Variants in LHFPL5 observed in about 807,000 individuals in gnomAD.
LHFPL5 encodes LHFPL tetraspan subfamily member 5 protein.
In LHFPL5, 12 loss-of-function variants were observed where a neutral mutation model predicts 18.7. The ratio of observed to expected loss-of-function variants is 0.64; its 90% CI spans 0.41 to 1.04. The LOEUF (loss-of-function observed/expected upper bound fraction) is 1.04. LHFPL5 is among the 50% of genes least tolerant of loss of function. The pLI, the probability that LHFPL5 is intolerant of heterozygous loss-of-function variation, is 0.00. For synonymous variants in LHFPL5, 111 were observed against 120.2 expected (o/e 0.92, Z 0.50); for missense variants, 259 against 292.1 (o/e 0.89, Z 0.83).
intron 2 of LHFPL5, among the ~76,000 whole-genome samples, chr6:35,817,708 C>T (rs1291858285): frequency 6.6e-6 from 1 of 152,186 alleles, no homozygotes; most frequent in African/African-American, 2.4e-5. Flanking sequence ...TGAATAATAA[C>T]AAGTGTTGGT....
chr6:35,810,411 T>C (rs77316839), intron 1 of LHFPL5, among the ~76,000 whole-genome samples: 1,647 of 152,230 alleles, frequency 0.011, 29 homozygotes, highest in African/African-American at 0.037. Context: ...AAGTGCTCAG[T>C]ACCTGTGAAA....
rs370048794 is a variant in LHFPL5 at position 35,814,529 on chromosome 6, C to T, written c.413-17C>T. 1.3e-5 allele frequency: 21 copies of T among 1,592,422 alleles called. No individual in the cohort carries two copies. The highest frequency in any genetic ancestry group is 1.8e-5 in the Non-Finnish European group (21 of 1,160,352). ...ACACTCGGCCTGATGCCATGTGCAC[C>T]CCTCCTTCCCCCTCAGCCACAGGCC... On this transcript the variant is annotated splice_polypyrimidine_tract_variant and intron_variant, in intron 1 of 3. Transcript: ENST00000360215. The surrounding 1 kb of genome is among the most constrained non-coding windows in gnomAD (Gnocchi z 4.2).
chr6:35,805,841 G>A lies in LHFPL5; in HGVS notation c.171G>A (p.Pro57=), dbSNP rs898563542. 11 of 1,614,044 alleles carry A rather than the reference G, an allele frequency of 6.8e-6. 1 individual carries two copies. The highest frequency in any genetic ancestry group is 3.3e-5 in the Admixed American group (2 of 59,990). The change falls in exon 1 of 4, where the codon CCG becomes CCA. Residue 57 remains proline (P), a synonymous_variant. Coordinates refer to ENST00000360215, the MANE Select transcript of LHFPL5 (RefSeq NM_182548.4). The surrounding 1 kb of genome is among the most constrained non-coding windows in gnomAD (Gnocchi z 4.3). The part of the protein sequence containing the change: ...PYWIGDSVNT[P]QAGYFGLFSY... The stretch of plus-strand genomic sequence containing the variant: ...GGATCGGCGACAGCGTCAACACACC[G>A]CAGGCAGGCTACTTCGGCCTTTTCT...
At position 35,814,567 on chromosome 6, in the gene LHFPL5, G is replaced by T; in HGVS notation, c.434G>T (p.Cys145Phe). 6.2e-7 allele frequency: 1 copy of T among 1,614,202 alleles called. No individual in the cohort carries two copies. Among genetic ancestry groups the T allele is most frequent in the South Asian group, 1.1e-5 (1 of 91,088 alleles). ...LAAATGLMIG[C>F]LVYPDGWDSS... ...TCAGCCACAGGCCTAATGATTGGCT[G>T]CCTGGTCTACCCTGATGGTTGGGAC... Residue 145 changes from cysteine (C) to phenylalanine (F), a missense_variant, in exon 2 of 4, where the codon TGC (cysteine) becomes TTC (phenylalanine). By Grantham distance (205) the Cys-to-Phe change is radical. Transcript: ENST00000360215. The surrounding 1 kb of genome is among the most constrained non-coding windows in gnomAD (Gnocchi z 4.2).
chr6:35,816,826 A>T (rs1477254096), intron 2 of LHFPL5, among the ~76,000 whole-genome samples: 1 of 151,606 alleles, frequency 6.6e-6, no homozygotes, highest in Non-Finnish European at 1.5e-5. Context: ...AAAAAAAAAA[A>T]AAAAGGAAAT....
At position 35,814,949 on chromosome 6, in the gene LHFPL5, G is replaced by A. The variant is rs557599631; in HGVS notation, c.649+167G>A. 6.6e-6 allele frequency among the ~76,000 whole-genome samples: 1 copy of A among 152,160 alleles called. No homozygotes were observed. The highest frequency in any genetic ancestry group is 2.4e-5 in the African/African-American group (1 of 41,526). ...TCCCTGAAATCAAAGGCCAGTGGAG[G>A]GTTGCAAGCTAGCAGGTGATAAGGC... On this transcript the variant is annotated intron_variant, in intron 2 of 3. Transcript: ENST00000360215. The surrounding 1 kb of genome is among the most constrained non-coding windows in gnomAD (Gnocchi z 4.2).
rs1354732646 is a variant in LHFPL5, at chr6:35,814,594, C to T, written c.461C>T (p.Ser154Leu). Residue 154 changes from serine (S) to leucine (L), a missense_variant, in exon 2 of 4, where the codon TCA becomes TTA. Physicochemically the swap from Ser to Leu is moderately radical, Grantham distance 145. Transcript: ENST00000360215. The surrounding 1 kb of genome is among the most constrained non-coding windows in gnomAD (Gnocchi z 4.2). ...CTGGTCTACCCTGATGGTTGGGACT[C>T]AAGTGAGGTGCGGCGCATGTGTGGG... is the stretch of plus-strand genomic sequence containing the variant. The part of the protein sequence containing the change: ...GCLVYPDGWD[S>L]SEVRRMCGEQ... 4 of 1,614,184 alleles carry T rather than the reference C, an allele frequency of 2.5e-6. No homozygotes were observed. Among genetic ancestry groups the T allele is most frequent in the Admixed American group, 1.7e-5 (1 of 60,026 alleles).
intron 1 of LHFPL5, among the ~76,000 whole-genome samples, chr6:35,806,414 C>T (rs1267701042): frequency 1.3e-5 from 2 of 150,720 alleles, no homozygotes; most frequent in Non-Finnish European, 2.9e-5. Flanking sequence ...CAGGCCATCA[C>T]ATCAGTTTTT....
At chr6:35,810,942 C>A (rs2817027) in intron 1 of LHFPL5, among the ~76,000 whole-genome samples, 64,911 of 151,934 alleles carry the variant, frequency 0.43, 16,002 homozygotes, top group African/African-American at 0.68. Context: ...CTTAGAACAA[C>A]GGTTTATGTA....
intron 3 of LHFPL5, among the ~76,000 whole-genome samples, chr6:35,822,119 G>A (rs1012965119): frequency 6.6e-6 from 1 of 151,642 alleles, no homozygotes; most frequent in African/African-American, 2.4e-5. Context: ...GAACTCCTGG[G>A]TTCAAGTCAT....
chr6:35,823,481 T>A lies in LHFPL5; in HGVS notation c.*516T>A, dbSNP rs1412945427. Reference sequence around the variant, plus strand: ...CACACACACACACACACACACACTCTCTCTCTCTCTCAAACACACACAAAT... The same window carrying A: ...CACACACACACACACACACACACTCACTCTCTCTCTCAAACACACACAAAT... On this transcript the variant is annotated 3_prime_UTR_variant, in exon 4 of 4. Transcript: ENST00000360215. 6 of 148,084 alleles carry A rather than the reference T, an allele frequency of 4.1e-5. No individual in the cohort carries two copies. Among genetic ancestry groups the A allele is most frequent in the East Asian group, 1.9e-4 (1 of 5,148 alleles). 9.2% of individuals were successfully genotyped at this position (148,084 alleles called of 1,614,324 possible).
At chr6:35,806,114 GC>G in intron 1 of LHFPL5, 32 bp downstream of exon 1, 1 of 1,607,222 alleles carries the variant, frequency 6.2e-7, no homozygotes, top group South Asian at 1.1e-5. Context: ...GCAGGCAGGG[GC>G]CCACCCCGGG....
chr6:35,806,722 A>G (rs1398275771), intron 1 of LHFPL5, among the ~76,000 whole-genome samples: 1 of 152,166 alleles, frequency 6.6e-6, no homozygotes, highest in Non-Finnish European at 1.5e-5. Context: ...TTGTGGAGTG[A>G]AAGTCTTTTT....
intron 1 of LHFPL5, among the ~76,000 whole-genome samples, chr6:35,807,153 G>A (rs1214850898): frequency 1.3e-5 from 2 of 152,072 alleles, no homozygotes; most frequent in African/African-American, 2.4e-5. Context: ...CAATGTGGGG[G>A]CTGGGCACAG....
chr6:35,806,237 T>C (rs547699089), intron 1 of LHFPL5, among the ~76,000 whole-genome samples, 155 bp downstream of exon 1: 7 of 152,098 alleles, frequency 4.6e-5, no homozygotes, highest in African/African-American at 1.4e-4. Context: ...TTCTGAGGAG[T>C]TGAGAATCTT....
chr6:35,822,109 G>A (rs374681093), intron 3 of LHFPL5, among the ~76,000 whole-genome samples: 2 of 151,550 alleles, frequency 1.3e-5, no homozygotes, highest in African/African-American at 2.4e-5. Flanking sequence ...GGATGTTCTC[G>A]AACTCCTGGG....
chr6:35,805,937 C>A lies in LHFPL5; in HGVS notation c.267C>A (p.Ile89=). 6.2e-7 allele frequency: 1 copy of A among 1,614,262 alleles called. No homozygotes were observed. Among genetic ancestry groups the A allele is most frequent in the South Asian group, 1.1e-5 (1 of 91,090 alleles). Reference sequence around the variant, plus strand: ...GCGGCCCCCTAGACTTCTCCTCCATCCCCTCTAGAGCCTTCAAGACTGCCA... The same window carrying A: ...GCGGCCCCCTAGACTTCTCCTCCATACCCTCTAGAGCCTTCAAGACTGCCA... ...CKGGPLDFSS[I]PSRAFKTAMF... The change falls in exon 1 of 4, where the codon ATC becomes ATA. Residue 89 remains isoleucine, a synonymous_variant. Transcript: ENST00000360215. This position sits in a 1 kb window ranked among gnomAD's most constrained non-coding sequence, Gnocchi z 4.3.
intron 2 of LHFPL5, among the ~76,000 whole-genome samples, chr6:35,817,705 TAAC>T (rs1768789366): frequency 6.6e-6 from 1 of 152,234 alleles, no homozygotes; most frequent in Non-Finnish European, 1.5e-5. Context: ...AGGTGAATAA[TAAC>T]AAGTGTTGGT....
At position 35,814,554 on chromosome 6, in the gene LHFPL5, C is replaced by A. The variant is rs1768724686; in HGVS notation, c.421C>A (p.Leu141Ile). 6.2e-7 allele frequency: 1 copy of A among 1,613,830 alleles called. No homozygotes were observed. The highest frequency in any genetic ancestry group is 8.5e-7 in the Non-Finnish European group (1 of 1,179,798). The change falls in exon 2 of 4, where the codon CTA becomes ATA. Residue 141 changes from leucine (L) to isoleucine (I), a missense_variant. Coordinates refer to ENST00000360215, the MANE Select transcript of LHFPL5 (RefSeq NM_182548.4). The surrounding 1 kb of genome is among the most constrained non-coding windows in gnomAD (Gnocchi z 4.2). Reference protein sequence around the residue: ...AWMQLAAATGLMIGCLVYPDG... With the variant: ...AWMQLAAATGIMIGCLVYPDG... ...CCCTCCTTCCCCCTCAGCCACAGGCCTAATGATTGGCTGCCTGGTCTACCC... is the reference window on the plus strand; with the variant it reads ...CCCTCCTTCCCCCTCAGCCACAGGCATAATGATTGGCTGCCTGGTCTACCC...
Sources: allele counts gnomAD v4.1 joint callset (sites outside exome capture counted in the v4.1 genomes callset), GRCh38; gene constraint gnomAD v4.1.1; non-coding constraint Gnocchi (gnomAD v3.1); transcripts MANE v1.5; gene names NCBI Gene and HGNC (gene_info 2026-07-23, HGNC 2026-07-21).